Variants in CALN1 observed in about 807,000 individuals in gnomAD.
CALN1 encodes calcium-binding protein 8.
Under a neutral mutation model 30.6 loss-of-function variants are expected in CALN1, and 17 were observed. That is an observed-to-expected ratio of 0.56 (90% CI 0.38 to 0.83). The LOEUF is 0.83. Ranked by LOEUF, CALN1 falls within the 40% of genes least tolerant of loss-of-function variation. The probability of loss-of-function intolerance (pLI) is 0.00; values close to 1 mark genes in which losing one functional copy is unlikely to be tolerated. For missense variants in CALN1, 291 were observed against 354.9 expected (o/e 0.82, Z 1.45); for synonymous variants, 156 against 131.4 (o/e 1.19, Z -1.28).
intron 3 of CALN1, among the ~76,000 whole-genome samples, chr7:72,236,100 G>C (rs1431411206): frequency 2.7e-4 from 40 of 146,860 alleles, no homozygotes; most frequent in Non-Finnish European, 6.0e-5. Flanking sequence ...AAAAAAGAAA[G>C]AAAGAAAAAA....
At chr7:72,327,033 C>T (rs1396358731) in intron 2 of CALN1, among the ~76,000 whole-genome samples, 1 of 152,248 alleles carries the variant, frequency 6.6e-6, no homozygotes, top group Non-Finnish European at 1.5e-5. Context: ...TGCTGAATCA[C>T]ATGAGACTCC....
chr7:72,191,370 C>T (rs1023814537), intron 3 of CALN1, among the ~76,000 whole-genome samples: 7 of 151,706 alleles, frequency 4.6e-5, no homozygotes, highest in African/African-American at 1.2e-4. Flanking sequence ...GGGAGGGCGA[C>T]GCAGGTGGAT....
chr7:71,787,204 A>AG lies in CALN1; in HGVS notation c.*570dup, dbSNP rs71092905. 1 allele frequency: 153,276 copies of AG among 153,276 alleles called. 76,638 individuals are homozygous for AG. Among genetic ancestry groups the AG allele is most frequent in the Non-Finnish European group, 1 (68,464 of 68,464 alleles). 9.5% of individuals were successfully genotyped at this position (153,276 alleles called of 1,614,324 possible). A position where few individuals can be genotyped will look rare whatever the true frequency, so the allele number is the denominator to read the frequency against. The stretch of plus-strand genomic sequence containing the variant: ...GTGAGGGGTGCAGCTGAAGACCGCC[A>AG]GGGCTGCACCCCACTTAATGGCTTT... On this transcript the variant is annotated 3_prime_UTR_variant, in exon 7 of 7. Coordinates refer to ENST00000395275, the MANE Select transcript of CALN1 (RefSeq NM_031468.4).
chr7:72,124,709 G>A (rs1157386655), intron 3 of CALN1, among the ~76,000 whole-genome samples: 1 of 150,946 alleles, frequency 6.6e-6, no homozygotes, highest in Non-Finnish European at 1.5e-5. Context: ...AAGAATTGGA[G>A]GCAGATTGAC....
chr7:72,336,687 C>CCGG (rs1257248817), intron 2 of CALN1: 1 of 985,468 alleles, frequency 1.0e-6, no homozygotes, highest in East Asian at 1.1e-4. Context: ...AGCTAGGGAG[C>CCGG]CGGCGGCGGC....
intron 3 of CALN1, among the ~76,000 whole-genome samples, chr7:72,116,949 CA>C (rs1165051355): frequency 3.3e-5 from 5 of 152,146 alleles, no homozygotes; most frequent in African/African-American, 1.2e-4. Context: ...TAAATTAATA[CA>C]TGGAAGGTGA....
chr7:71,974,417 CAAAAAA>C (rs1052896558), intron 5 of CALN1, among the ~76,000 whole-genome samples: 29 of 55,046 alleles, frequency 5.3e-4, no homozygotes, highest in South Asian at 1.2e-3. Flanking sequence ...GACTCCATCT[CAAAAAA>C]AAAAAAAAAA....
rs1491307722 is a variant in CALN1, at chr7:71,978,263, T to TA, written c.501+45393_501+45394insT. On this transcript the variant is annotated intron_variant, in intron 5 of 6. Coordinates refer to ENST00000395275, the MANE Select transcript of CALN1 (RefSeq NM_031468.4). Reference sequence around the variant, plus strand: ...AAAACTCAGGGACTCTAGAGAATTCTTTTTTTTTTTTTTTTTTTTTTTTTT... The same window carrying TA: ...AAAACTCAGGGACTCTAGAGAATTCTATTTTTTTTTTTTTTTTTTTTTTTTT... Among the ~76,000 whole-genome samples the TA allele has an allele frequency of 3.5e-4, 25 of 70,928 alleles. 1 individual carries two copies. The highest frequency in any genetic ancestry group is 1.1e-3 in the Admixed American group (8 of 7,134). 46.5% of individuals were successfully genotyped at this position (70,928 alleles called of 152,430 possible).
chr7:72,204,472 C>A (rs1791684950), intron 3 of CALN1, among the ~76,000 whole-genome samples: 1 of 152,026 alleles, frequency 6.6e-6, no homozygotes. Context: ...CACAACCAAC[C>A]CGATCATTGA....
chr7:72,193,361 G>A (rs1222879792), intron 3 of CALN1, among the ~76,000 whole-genome samples: 1 of 152,044 alleles, frequency 6.6e-6, no homozygotes, highest in Non-Finnish European at 1.5e-5. Flanking sequence ...AAGGGTAGAA[G>A]ACTCAGACAT....
chr7:72,334,252 C>A (rs918965502), intron 2 of CALN1, among the ~76,000 whole-genome samples: 1 of 152,154 alleles, frequency 6.6e-6, no homozygotes, highest in Non-Finnish European at 1.5e-5. Flanking sequence ...AGAACCAGTG[C>A]CCCCTTCTGA....
chr7:72,339,529 G>A (rs1585537082), intron 2 of CALN1, among the ~76,000 whole-genome samples: 1 of 152,176 alleles, frequency 6.6e-6, no homozygotes, highest in East Asian at 1.9e-4. Flanking sequence ...AAGCAAGAAG[G>A]TAATTTTAGC....
chr7:72,320,610 G>A (rs557685056), intron 2 of CALN1, among the ~76,000 whole-genome samples: 5 of 152,144 alleles, frequency 3.3e-5, no homozygotes, highest in African/African-American at 1.2e-4. Context: ...CGCGGTGGTC[G>A]GATCAATTGA....
intron 6 of CALN1, among the ~76,000 whole-genome samples, chr7:71,797,804 T>C (rs1787018250): frequency 6.6e-6 from 1 of 152,150 alleles, no homozygotes; most frequent in Non-Finnish European, 1.5e-5. Context: ...CACCACTCCA[T>C]CTGGTGGAAC....
chr7:71,906,062 T>C (rs1794118713), intron 5 of CALN1, among the ~76,000 whole-genome samples: 2 of 152,300 alleles, frequency 1.3e-5, no homozygotes, highest in East Asian at 1.9e-4. Context: ...ACTGACCCCA[T>C]GATTGAGTCA....
chr7:72,414,598 A>G (rs79261380), upstream of CALN1, among the ~76,000 whole-genome samples: 1 of 152,224 alleles, frequency 6.6e-6, no homozygotes, highest in Non-Finnish European at 1.5e-5. Flanking sequence ...CAGTCTGGAT[A>G]ATTCAAGCAA....
In CALN1 at chr7:72,232,467, A is replaced by G. The variant is rs578136047; in HGVS notation, c.244+46219T>C. 1.5e-3 allele frequency among the ~76,000 whole-genome samples: 228 copies of G among 152,154 alleles called. 2 individuals carry two copies. Among genetic ancestry groups the G allele is most frequent in the Non-Finnish European group, 7.5e-4 (51 of 67,994 alleles). On this transcript the variant is annotated intron_variant, in intron 3 of 6. Transcript: ENST00000395275. ...AAAGCTTTCAAAAAAATTTTTTTTTAATTTATTTTTTGAGACGGAGTCTCA... is the reference window on the plus strand; with the variant it reads ...AAAGCTTTCAAAAAAATTTTTTTTTGATTTATTTTTTGAGACGGAGTCTCA...
intron 3 of CALN1, among the ~76,000 whole-genome samples, chr7:72,177,633 T>C (rs1317017302): frequency 1.3e-5 from 2 of 151,088 alleles, no homozygotes; most frequent in South Asian, 2.1e-4. Flanking sequence ...GGCGTGGTGG[T>C]GCATGACTGT....
chr7:72,305,534 A>C (rs1353289551), intron 2 of CALN1, among the ~76,000 whole-genome samples: 1 of 152,118 alleles, frequency 6.6e-6, no homozygotes, highest in South Asian at 2.1e-4. Flanking sequence ...TCAAACCGAG[A>C]GCCTTAGATA....
Sources: allele counts gnomAD v4.1 joint callset (sites outside exome capture counted in the v4.1 genomes callset), GRCh38; gene constraint gnomAD v4.1.1; transcripts MANE v1.5; gene names NCBI Gene and HGNC (gene_info 2026-07-23, HGNC 2026-07-21).